Variants in CCDC125 observed in about 807,000 individuals in gnomAD.
CCDC125 encodes the protein coiled-coil domain-containing protein 125.
Under a neutral mutation model 57.4 loss-of-function variants are expected in CCDC125, and 43 were observed. The observed-to-expected ratio is 0.75, with a 90% confidence interval of 0.59 to 0.97. CCDC125 has a LOEUF of 0.97. Ranked by LOEUF, CCDC125 falls within the 50% of genes least tolerant of loss-of-function variation. CCDC125 has a pLI of 0.00. For missense variants in CCDC125, 563 were observed against 595.7 expected (o/e 0.95, Z 0.57); for synonymous variants, 187 against 195.2 (o/e 0.96, Z 0.35).
chr5:69,330,100 G>A (rs1436396034), intron 1 of CCDC125, among the ~76,000 whole-genome samples: 1 of 152,096 alleles, frequency 6.6e-6, no homozygotes, highest in Non-Finnish European at 1.5e-5. Flanking sequence ...GACTCACTAA[G>A]TCCAGGTCCA....
intron 2 of CCDC125, among the ~76,000 whole-genome samples, chr5:69,316,732 C>T (rs1759172411): frequency 1.3e-5 from 2 of 152,000 alleles, no homozygotes; most frequent in Non-Finnish European, 2.9e-5. Context: ...AGGCTGGTGT[C>T]GAACTCCTGG....
At chr5:69,287,240 T>C (rs1367573557) in intron 10 of CCDC125, among the ~76,000 whole-genome samples, 1 of 151,186 alleles carries the variant, frequency 6.6e-6, no homozygotes, top group East Asian at 1.9e-4. Flanking sequence ...TATAGATTTA[T>C]AAAAGCTGTG....
chr5:69,289,341 G>A (rs1169097588), intron 10 of CCDC125, among the ~76,000 whole-genome samples: 2 of 152,146 alleles, frequency 1.3e-5, no homozygotes, highest in Non-Finnish European at 2.9e-5. Context: ...GAGAGAGGAG[G>A]TGTCTGAGGA....
chr5:69,299,111 CT>C (rs11451510), intron 8 of CCDC125, among the ~76,000 whole-genome samples: 57,181 of 129,154 alleles, frequency 0.44, 10,822 homozygotes, highest in Middle Eastern at 0.51. Flanking sequence ...TTCTTTCTTT[CT>C]TTTTTTTTTT....
At position 69,282,565 on chromosome 5, in the gene CCDC125, G is replaced by A. The variant is rs1030797114; in HGVS notation, c.*164C>T. The A allele has an allele frequency of 2.9e-4, 178 of 609,620 alleles. No individual in the cohort carries two copies. Among genetic ancestry groups the A allele is most frequent in the Non-Finnish European group, 4.1e-4 (151 of 365,816 alleles). 37.8% of individuals were successfully genotyped at this position (609,620 alleles called of 1,614,324 possible). On this transcript the variant is annotated 3_prime_UTR_variant, in exon 12 of 12. Coordinates refer to ENST00000396496, the MANE Select transcript of CCDC125 (RefSeq NM_176816.5). ...GACAGAGCAAGACTCCATCTCAAAA[G>A]AAGAAAAAGAAAATGTAGAAAATAT...
rs1455426058 is a variant in CCDC125 at position 69,294,862 on chromosome 5, TCCGGG to T, written c.850_854del (p.Pro284ArgfsTer31). The T allele has an allele frequency of 3.1e-6, 5 of 1,614,106 alleles. No individual in the cohort carries two copies. The highest frequency in any genetic ancestry group is 4.2e-6 in the Non-Finnish European group (5 of 1,180,002). ...TTCTGGCACAAGAACAGGGGTTCCC[TCCGGG>T]CCCATGACAAAGGCAGGCTCCGAGG... On this transcript the variant is annotated frameshift_variant, in exon 9 of 12. Transcript: ENST00000396496. LOFTEE classifies it high-confidence loss of function.
intron 5 of CCDC125, 49 bp from the exon 6 acceptor site, chr5:69,306,951 A>G: frequency 7.2e-7 from 1 of 1,396,846 alleles, no homozygotes; most frequent in Non-Finnish European, 9.4e-7. Context: ...CAAATAAATC[A>G]TTTCAGGACA....
At chr5:69,313,575 C>G in intron 3 of CCDC125, 1 of 739,344 alleles carries the variant, frequency 1.4e-6, no homozygotes, top group South Asian at 1.4e-5. Flanking sequence ...AGATAAACAC[C>G]AGGTCCTCCT....
chr5:69,299,785 C>T (rs192783426), intron 8 of CCDC125, among the ~76,000 whole-genome samples: 46 of 152,280 alleles, frequency 3.0e-4, no homozygotes, highest in Middle Eastern at 3.4e-3. Context: ...GAGAAATAAA[C>T]GGGGCAGAAG....
intron 10 of CCDC125, among the ~76,000 whole-genome samples, chr5:69,287,149 C>G (rs915786311): frequency 3.3e-5 from 5 of 151,996 alleles, no homozygotes; most frequent in African/African-American, 1.2e-4. Flanking sequence ...CACCCTGTAC[C>G]TCTTAAGATT....
chr5:69,320,674 C>A, intron 1 of CCDC125, 94 bp from the exon 2 acceptor site: 1 of 629,618 alleles, frequency 1.6e-6, no homozygotes, highest in South Asian at 1.9e-5. Flanking sequence ...ATCAGTATGT[C>A]AAAGAGATGT....
chr5:69,314,419 C>G (rs552067475), intron 2 of CCDC125, among the ~76,000 whole-genome samples: 1 of 150,942 alleles, frequency 6.6e-6, no homozygotes, highest in African/African-American at 2.4e-5. Context: ...GAGCGGAGAT[C>G]GTGCCACTGT....
chr5:69,287,974 C>A (rs1753790413), intron 10 of CCDC125, among the ~76,000 whole-genome samples: 1 of 152,074 alleles, frequency 6.6e-6, no homozygotes, highest in African/African-American at 2.4e-5. Context: ...TGGGAATCTT[C>A]CTTAGATTTG....
At chr5:69,316,593 C>T (rs942203171) in intron 2 of CCDC125, among the ~76,000 whole-genome samples, 11 of 152,168 alleles carry the variant, frequency 7.2e-5, no homozygotes, top group Admixed American at 3.3e-4. Flanking sequence ...GAGAGAGGGT[C>T]TTGCTTTATT....
At chr5:69,328,905 T>G (rs1284827548) in intron 1 of CCDC125, among the ~76,000 whole-genome samples, 2 of 151,876 alleles carry the variant, frequency 1.3e-5, no homozygotes, top group African/African-American at 4.8e-5. Context: ...ACCATTCTCC[T>G]GCCTCAGCCT....
chr5:69,274,159 C>T, the CCDC125 span, among the ~76,000 whole-genome samples: 4 of 152,218 alleles, frequency 2.6e-5, no homozygotes, highest in African/African-American at 9.6e-5. Flanking sequence ...TAGTTTGAAA[C>T]TTAACAGAAA....
At chr5:69,279,829 C>G (rs1375248549), downstream of CCDC125, among the ~76,000 whole-genome samples, 1 of 140,556 alleles carries the variant, frequency 7.1e-6, no homozygotes, top group African/African-American at 2.6e-5. Context: ...TCTCAAACTG[C>G]TATAAAGAAT....
the CCDC125 span, among the ~76,000 whole-genome samples, chr5:69,273,213 G>A: frequency 6.6e-6 from 1 of 151,780 alleles, no homozygotes; most frequent in African/African-American, 2.4e-5. Flanking sequence ...ACACTATTAA[G>A]ACTGAGATTA....
At position 69,286,377 on chromosome 5, in the gene CCDC125, G is replaced by A. The variant is rs966608956; in HGVS notation, c.1100-910C>T. 3.1e-4 allele frequency among the ~76,000 whole-genome samples: 47 copies of A among 150,572 alleles called. 2 individuals are homozygous for A. Among genetic ancestry groups the A allele is most frequent in the African/African-American group, 1.0e-3 (42 of 41,086 alleles). On this transcript the variant is annotated intron_variant, in intron 10 of 11. Transcript: ENST00000396496. Reference sequence around the variant, plus strand: ...CTCCCGAGTAGCTGGGACTACAGGCGCCCGCCACCACGTCCGGCTAATTTT... The same window carrying A: ...CTCCCGAGTAGCTGGGACTACAGGCACCCGCCACCACGTCCGGCTAATTTT...
Sources: gnomAD v4.1 joint callset for allele counts (sites outside exome capture counted in the v4.1 genomes callset) on GRCh38, gnomAD v4.1.1 for gene constraint, MANE v1.5 for transcripts, NCBI Gene and HGNC (gene_info 2026-07-23, HGNC 2026-07-21) for gene names.